The following DAGLA variants were observed in gnomAD, a reference collection of about 807,000 sequenced individuals.
DAGLA encodes the protein diacylglycerol lipase alpha, also known as diacylglycerol lipase-alpha.
A neutral mutation model predicts 102.6 loss-of-function variants in DAGLA; 22 were observed. That is an observed-to-expected ratio of 0.21 (90% CI 0.15 to 0.31). The LOEUF (loss-of-function observed/expected upper bound fraction) is 0.31, where lower values mean the gene tolerates loss of function less well. Among genes scored for constraint, DAGLA ranks in the 10% least tolerant of loss-of-function variants. DAGLA has a pLI of 1.00. For missense variants in DAGLA, 927 were observed against 1,446.6 expected, an observed-to-expected ratio of 0.64 and a Z score of 5.83; for synonymous variants, 578 against 628.9, an observed-to-expected ratio of 0.92 and a Z score of 1.21.
At chr11:61,687,655 T>A (rs2064996485) in intron 1 of DAGLA, among the ~76,000 whole-genome samples, 1 of 148,466 alleles carries the variant, frequency 6.7e-6, no homozygotes, top group African/African-American at 2.5e-5. Context: ...CTTGTAGCAC[T>A]CTCTTATCTG....
At chr11:61,698,230 C>A (rs1267639782) in intron 1 of DAGLA, among the ~76,000 whole-genome samples, 6 of 152,218 alleles carry the variant, frequency 3.9e-5, no homozygotes, top group African/African-American at 1.4e-4. Flanking sequence ...GGCAGGCAGG[C>A]AGGGTCCCTG....
At chr11:61,742,146 T>C (rs770105191) in intron 19 of DAGLA, among the ~76,000 whole-genome samples, 3 of 152,132 alleles carry the variant, frequency 2.0e-5, no homozygotes, top group South Asian at 2.1e-4. Flanking sequence ...AATACACCTG[T>C]GCACAGACCC....
chr11:61,740,417 G>C (rs778137042), intron 17 of DAGLA, 46 bp from the exon 18 acceptor site: 2 of 1,598,134 alleles, frequency 1.3e-6, no homozygotes, highest in Admixed American at 1.7e-5. Flanking sequence ...CCGAGGGCCA[G>C]GCCACCACCC....
Position 61,725,482 on chromosome 11 carries a change from G to GAGTATGTA in DAGLA, c.549-501_549-494dup, listed in dbSNP as rs1193419021. 4.6e-5 allele frequency among the ~76,000 whole-genome samples: 7 copies of GAGTATGTA among 152,302 alleles called. No homozygotes were observed. In the East Asian group the frequency reaches 7.7e-4, roughly 17 times the overall value. On this transcript the variant is annotated intron_variant, in intron 5 of 19. Coordinates refer to ENST00000257215, the MANE Select transcript of DAGLA (RefSeq NM_006133.3). ...CAGCCCCATAGATTTCCTGTAAGTA[G>GAGTATGTA]AGTATGTAAGTATGTAAGTGTCTGA... is the stretch of plus-strand genomic sequence containing the variant.
intron 1 of DAGLA, among the ~76,000 whole-genome samples, chr11:61,705,143 C>T (rs1041702988): frequency 2.0e-5 from 3 of 152,224 alleles, no homozygotes; most frequent in African/African-American, 7.2e-5. Context: ...CCTCCGTTCT[C>T]AAGGCGTTCC....
chr11:61,720,540 G>A (rs2065273083), intron 2 of DAGLA, 139 bp from the exon 3 acceptor site: 6 of 801,374 alleles, frequency 7.5e-6, no homozygotes, highest in Non-Finnish European at 1.0e-5. Context: ...GATGCCAGGT[G>A]GACAATGGTC....
In DAGLA at chr11:61,686,757, G is replaced by T. The variant is rs982864240; in HGVS notation, c.-45+6253G>T. ...GGGCCCCTCGTCATTGTCTCTCCTG[G>T]AGCCATTTAATTAATTGATGATTGA... On this transcript the variant is annotated intron_variant, in intron 1 of 19. Transcript: ENST00000257215. This position sits in a 1 kb window ranked among gnomAD's most constrained non-coding sequence, Gnocchi z 5.2. Among the ~76,000 whole-genome samples, 4 of 152,176 alleles carry T rather than the reference G, an allele frequency of 2.6e-5. No homozygotes were observed. Among genetic ancestry groups the T allele is most frequent in the Non-Finnish European group, 5.9e-5 (4 of 68,038 alleles).
intron 1 of DAGLA, among the ~76,000 whole-genome samples, chr11:61,685,833 G>T (rs2064982304): frequency 6.6e-6 from 1 of 152,046 alleles, no homozygotes; most frequent in African/African-American, 2.4e-5. Flanking sequence ...CGGGGTGACT[G>T]GTGGCTGGGA....
In DAGLA at chr11:61,720,168, G is replaced by A; in HGVS notation, c.13G>A (p.Val5Met). The change falls in exon 2 of 20, where the codon GTG (valine) becomes ATG (methionine). Residue 5 changes from valine to methionine, a missense_variant. Val to Met is a conservative substitution (Grantham distance 21, BLOSUM62 1). Transcript: ENST00000257215. ...AGAGCCACCAGCCATGCCCGGGATCGTGGTGTTCCGGCGGCGCTGGTCTGT... is the reference window on the plus strand; with the variant it reads ...AGAGCCACCAGCCATGCCCGGGATCATGGTGTTCCGGCGGCGCTGGTCTGT... MPGIVVFRRRWSVGS... is the reference protein window; with the variant it reads MPGIMVFRRRWSVGS... 3.1e-6 allele frequency: 5 copies of A among 1,613,046 alleles called. No homozygotes were observed. The highest frequency in any genetic ancestry group is 2.2e-5 in the South Asian group (2 of 91,084).
In DAGLA at chr11:61,740,496, C is replaced by T; in HGVS notation, c.1887C>T (p.Ala629=). ...CCEQEEPTYF[A]IWGDNKAFNE... ...AGCAGGAGGAGCCCACATACTTTGC[C>T]ATCTGGGGCGACAACAAGGCCTTCA... The change falls in exon 18 of 20, where the codon GCC becomes GCT. Residue 629 remains alanine (A), a synonymous_variant. Coordinates refer to ENST00000257215, the MANE Select transcript of DAGLA (RefSeq NM_006133.3). 1 of 1,613,848 alleles carries T rather than the reference C, an allele frequency of 6.2e-7. No individual in the cohort carries two copies.
chr11:61,728,025 A>T, intron 6 of DAGLA, 128 bp from the exon 7 acceptor site: 1 of 1,060,922 alleles, frequency 9.4e-7, no homozygotes, highest in Non-Finnish European at 1.4e-6. Context: ...TGCTGGGGAG[A>T]ACCTGTCCAG....
chr11:61,718,291 C>A (rs1177049559), intron 1 of DAGLA, among the ~76,000 whole-genome samples: 1 of 152,216 alleles, frequency 6.6e-6, no homozygotes, highest in African/African-American at 2.4e-5. Context: ...GCGTACTGCC[C>A]CCCCAGCCTC....
chr11:61,741,118 T>C, intron 18 of DAGLA, 44 bp from the exon 19 acceptor site: 10 of 1,562,350 alleles, frequency 6.4e-6, no homozygotes, highest in Non-Finnish European at 8.7e-6. Flanking sequence ...CGATGGGGCC[T>C]GATGTCCCTC....
At position 61,739,526 on chromosome 11, in the gene DAGLA, A is replaced by G. The variant is rs751200144; in HGVS notation, c.1718A>G (p.Glu573Gly). ...IPKSELPEEV[E>G]VTTLASTRLW... is the part of the protein sequence containing the mutation. ...AAGTCGGAGCTGCCTGAGGAGGTAG[A>G]GGTGACCACCCTGGCCAGCACGCGG... is the stretch of plus-strand genomic sequence containing the variant. Residue 573 changes from glutamate (E) to glycine (G), a missense_variant, in exon 17 of 20, where the codon GAG becomes GGG. This residue lies in a region of DAGLA where 218 missense variants were observed against 459.6 expected (regional missense o/e 0.47). Coordinates refer to ENST00000257215, the MANE Select transcript of DAGLA (RefSeq NM_006133.3). 1.2e-6 allele frequency: 2 copies of G among 1,614,072 alleles called. No homozygotes were observed. The highest frequency in any genetic ancestry group is 3.3e-5 in the Admixed American group (2 of 60,022).
rs377307547 is a variant in DAGLA, at chr11:61,700,227, G to A, written c.-45+19723G>A. Among the ~76,000 whole-genome samples, 124 of 151,960 alleles carry A rather than the reference G, an allele frequency of 8.2e-4. 2 individuals carry two copies. The South Asian group carries it at 0.024, about 29-fold the overall frequency. On this transcript the variant is annotated intron_variant, in intron 1 of 19. Coordinates refer to ENST00000257215, the MANE Select transcript of DAGLA (RefSeq NM_006133.3). Reference sequence around the variant, plus strand: ...GACGGGATGCATCAGTGAGACTTTTGTATGGCAGGAGGCAGAGGAGCACAT... The same window carrying A: ...GACGGGATGCATCAGTGAGACTTTTATATGGCAGGAGGCAGAGGAGCACAT...
chr11:61,693,814 T>C (rs892731479), intron 1 of DAGLA, among the ~76,000 whole-genome samples: 1 of 152,360 alleles, frequency 6.6e-6, no homozygotes, highest in African/African-American at 2.4e-5. Context: ...GTATGGCTGA[T>C]GATCCCCAGG....
Position 61,736,308 on chromosome 11 carries a change from G to A in DAGLA, c.1329G>A (p.Leu443=), listed in dbSNP as rs2065422591. The change falls in exon 13 of 20, where the codon CTG becomes CTA. Residue 443 remains leucine, a synonymous_variant. Transcript: ENST00000257215. ...VLSAEYIKKK[L]EQEMVLSQAF... ...CAGCTGAGTACATCAAGAAGAAACT[G>A]GAGCAGGAGATGGTCCTGTCCCAGG... 3 of 1,614,152 alleles carry A rather than the reference G, an allele frequency of 1.9e-6. No individual in the cohort carries two copies. Among genetic ancestry groups the A allele is most frequent in the East Asian group, 4.5e-5 (2 of 44,882 alleles).
In DAGLA at chr11:61,686,514, T is replaced by TA. The variant is rs2064986260; in HGVS notation, c.-45+6010_-45+6011insA. On this transcript the variant is annotated intron_variant, in intron 1 of 19. Coordinates refer to ENST00000257215, the MANE Select transcript of DAGLA (RefSeq NM_006133.3). This position sits in a 1 kb window ranked among gnomAD's most constrained non-coding sequence, Gnocchi z 5.2. ...GAGGTTACTATTCTGGGAAGTTTCATCAAAACCTTTTCAGTGTTTGGGAGT... is the reference window on the plus strand; with the variant it reads ...GAGGTTACTATTCTGGGAAGTTTCATACAAAACCTTTTCAGTGTTTGGGAGT... Among the ~76,000 whole-genome samples the TA allele has an allele frequency of 6.6e-6, 1 of 152,194 alleles. No individual in the cohort carries two copies. Among genetic ancestry groups the TA allele is most frequent in the East Asian group, 1.9e-4 (1 of 5,200 alleles).
At chr11:61,731,960 T>G (rs2065379015) in intron 9 of DAGLA, among the ~76,000 whole-genome samples, 1 of 152,158 alleles carries the variant, frequency 6.6e-6, no homozygotes, top group Non-Finnish European at 1.5e-5. Flanking sequence ...CAAGAAGGCC[T>G]GTTAGTTAAG....
Sources: gnomAD v4.1 joint callset for allele counts (sites outside exome capture counted in the v4.1 genomes callset) on GRCh38, gnomAD v4.1.1 for gene constraint, gnomAD v4.1.1 regional missense constraint, Gnocchi (gnomAD v3.1) non-coding constraint, MANE v1.5 for transcripts, NCBI Gene and HGNC (gene_info 2026-07-23, HGNC 2026-07-21) for gene names.